The following MYPN variants were observed in gnomAD, a reference collection of about 807,000 sequenced individuals.
MYPN encodes sarcomeric protein myopalladin, 145 kDa (MYOP).
A neutral mutation model predicts 129.4 loss-of-function variants in MYPN; 63 were observed. The ratio of observed to expected loss-of-function variants is 0.49; its 90% confidence interval spans 0.40 to 0.60. The LOEUF (loss-of-function observed/expected upper bound fraction) is 0.60. MYPN is among the 20% of genes least tolerant of loss of function. MYPN has a pLI of 0.00. For synonymous variants in MYPN, 629 were observed against 600.9 expected, an observed-to-expected ratio of 1.05 and a Z score of -0.68; for missense variants, 1,596 against 1,635.4, an observed-to-expected ratio of 0.98 and a Z score of 0.42.
chr10:68,190,376 G>A (rs1276653968), intron 13 of MYPN, among the ~76,000 whole-genome samples: 6 of 152,002 alleles, frequency 3.9e-5, no homozygotes, highest in Non-Finnish European at 5.9e-5. Flanking sequence ...TAGTAGAGAC[G>A]GGGTTTCACC....
chr10:68,156,426 G>A (rs2042875073), intron 6 of MYPN, among the ~76,000 whole-genome samples: 1 of 152,174 alleles, frequency 6.6e-6, no homozygotes, highest in African/African-American at 2.4e-5. Flanking sequence ...GTTTCGGGAA[G>A]ACAAATAATA....
chr10:68,090,487 G>C (rs768378548), intron 1 of MYPN, among the ~76,000 whole-genome samples: 3 of 152,128 alleles, frequency 2.0e-5, no homozygotes, highest in African/African-American at 2.4e-5. Flanking sequence ...TATTAAAACA[G>C]GTAAGGTAGA....
chr10:68,145,410 T>C, intron 3 of MYPN, 65 bp from the exon 4 acceptor site: 1 of 1,274,366 alleles, frequency 7.8e-7, no homozygotes, highest in South Asian at 1.2e-5. Flanking sequence ...TCTTATGTCG[T>C]GTTTAGGAAC....
intron 17 of MYPN, among the ~76,000 whole-genome samples, chr10:68,201,538 G>A (rs976207892): frequency 1.2e-4 from 18 of 152,074 alleles, no homozygotes; most frequent in African/African-American, 2.7e-4. Flanking sequence ...AGGCCAAGGC[G>A]GGTGGGTCAC....
intron 15 of MYPN, 135 bp from the exon 16 acceptor site, chr10:68,197,217 T>C (rs2043622230): frequency 3.7e-6 from 3 of 804,478 alleles, no homozygotes; most frequent in Non-Finnish European, 2.0e-6. Flanking sequence ...TTATTGTTTA[T>C]AGTCCAGCCT....
chr10:68,187,273 C>T (rs1342406589), intron 12 of MYPN, among the ~76,000 whole-genome samples: 1 of 149,532 alleles, frequency 6.7e-6, no homozygotes, highest in African/African-American at 2.5e-5. Context: ...TGCACTCCAG[C>T]CTGGGCAACA....
In MYPN at chr10:68,119,782, G is replaced by A. The variant is rs147214411; in HGVS notation, c.-1-1656G>A. ...TCATCCAAATAAGTAGCTCTAGTAC[G>A]GGCAATCTCAGTCTGTGGCAAGTAG... On this transcript the variant is annotated intron_variant, in intron 1 of 19. Transcript: ENST00000358913. Among the ~76,000 whole-genome samples the A allele has an allele frequency of 1.1e-3, 172 of 152,236 alleles. 1 individual carries two copies. Among genetic ancestry groups the A allele is most frequent in the African/African-American group, 3.9e-3 (164 of 41,530 alleles).
intron 10 of MYPN, among the ~76,000 whole-genome samples, chr10:68,169,597 G>A (rs1178554450): frequency 6.6e-6 from 1 of 152,174 alleles, no homozygotes; most frequent in Non-Finnish European, 1.5e-5. Context: ...TAAGAATCCA[G>A]TCTCCTTCTG....
At chr10:68,198,906 T>C (rs12416503) in intron 16 of MYPN, among the ~76,000 whole-genome samples, 62,932 of 150,160 alleles carry the variant, frequency 0.42, 13,949 homozygotes, top group Non-Finnish European at 0.49. Context: ...GACAGGTCAA[T>C]AGGTGCAGCA....
chr10:68,201,573 C>T (rs919302504), intron 17 of MYPN, among the ~76,000 whole-genome samples: 1 of 130,442 alleles, frequency 7.7e-6, no homozygotes, highest in African/African-American at 3.0e-5. Flanking sequence ...TCGAGATCAG[C>T]CTGGCCAACA....
chr10:68,208,931 G>A (rs1321915774), intron 19 of MYPN, among the ~76,000 whole-genome samples: 1 of 152,176 alleles, frequency 6.6e-6, no homozygotes, highest in Non-Finnish European at 1.5e-5. Context: ...GGGGCTGGGA[G>A]GAGAGACTGC....
chr10:68,099,020 TA>T (rs976762643), intron 1 of MYPN, among the ~76,000 whole-genome samples: 2 of 152,216 alleles, frequency 1.3e-5, no homozygotes, highest in African/African-American at 2.4e-5. Flanking sequence ...TAAGACTTAG[TA>T]AAATAATATT....
intron 2 of MYPN, among the ~76,000 whole-genome samples, chr10:68,125,729 T>C (rs1408984545): frequency 6.6e-6 from 1 of 152,248 alleles, no homozygotes; most frequent in Non-Finnish European, 1.5e-5. Flanking sequence ...AGGATTTTAC[T>C]TGAACTTTGA....
At chr10:68,179,219 T>C (rs2043276419) in intron 12 of MYPN, among the ~76,000 whole-genome samples, 1 of 152,200 alleles carries the variant, frequency 6.6e-6, no homozygotes, top group Admixed American at 6.5e-5. Flanking sequence ...ATTCATTCCC[T>C]TTCTAACAAG....
intron 6 of MYPN, among the ~76,000 whole-genome samples, chr10:68,150,396 T>C (rs1243354337): frequency 6.6e-6 from 1 of 152,180 alleles, no homozygotes; most frequent in African/African-American, 2.4e-5. Context: ...AAGTGATAAA[T>C]TTCTAGCCAC....
intron 1 of MYPN, among the ~76,000 whole-genome samples, chr10:68,096,314 C>T (rs2041956260): frequency 6.6e-6 from 1 of 152,142 alleles, no homozygotes; most frequent in Non-Finnish European, 1.5e-5. Flanking sequence ...TAAAGCAGAT[C>T]TGACTTTGGG....
chr10:68,135,751 A>G (rs909923308), intron 2 of MYPN, among the ~76,000 whole-genome samples: 3 of 152,246 alleles, frequency 2.0e-5, no homozygotes, highest in Non-Finnish European at 2.9e-5. Context: ...AATGTACCAT[A>G]CACTGTGCTA....
At chr10:68,166,819 A>G in intron 10 of MYPN, 153 bp downstream of exon 10, 1 of 1,105,288 alleles carries the variant, frequency 9.0e-7, no homozygotes, top group East Asian at 2.6e-5. Flanking sequence ...GCTTGAGCCC[A>G]GGAATTCGAG....
intron 17 of MYPN, 27 bp downstream of exon 17, chr10:68,199,602 A>G (rs2043676159): frequency 6.2e-7 from 1 of 1,607,238 alleles, no homozygotes; most frequent in African/African-American, 1.3e-5. Flanking sequence ...GGACCCCTAA[A>G]CACAACTTCC....
Sources: gnomAD v4.1 joint callset for allele counts (sites outside exome capture counted in the v4.1 genomes callset) on GRCh38, gnomAD v4.1.1 for gene constraint, MANE v1.5 for transcripts, NCBI Gene and HGNC (gene_info 2026-07-23, HGNC 2026-07-21) for gene names.